FHOD3: variants seen among roughly 807,000 people sequenced by gnomAD.
The protein encoded by FHOD3 is formin homology 2 domain containing 3.
Under a neutral mutation model 173.0 loss-of-function variants are expected in FHOD3, and 90 were observed. The ratio of observed to expected loss-of-function variants is 0.52; its 90% confidence interval spans 0.44 to 0.62. The LOEUF (loss-of-function observed/expected upper bound fraction) is 0.62. FHOD3 is among the 20% of genes least tolerant of loss of function. The pLI is 0.00. For synonymous variants in FHOD3, 828 were observed against 823.0 expected (o/e 1.01, Z -0.10); for missense variants, 1,945 against 2,034.7 (o/e 0.96, Z 0.85).
intron 8 of FHOD3, among the ~76,000 whole-genome samples, chr18:36,611,597 C>A (rs932737187): frequency 6.6e-6 from 1 of 152,148 alleles, no homozygotes; most frequent in Non-Finnish European, 1.5e-5. Context: ...GAGAGTCACC[C>A]CTTCGATTAA....
At chr18:36,479,808 C>T (rs945016284) in intron 3 of FHOD3, among the ~76,000 whole-genome samples, 2 of 151,970 alleles carry the variant, frequency 1.3e-5, no homozygotes, top group African/African-American at 4.8e-5. Context: ...TCCGCTTTAC[C>T]CTCCATGCTA....
chr18:36,678,542 A>C lies in FHOD3; in HGVS notation c.1836-2894A>C, dbSNP rs540252526. Reference sequence around the variant, plus strand: ...CCTGTCTCAAAAAAAAAAAAAAAAAAAAAAAAGAAGAAAGAAAGAAAGAAA... The same window carrying C: ...CCTGTCTCAAAAAAAAAAAAAAAAACAAAAAAGAAGAAAGAAAGAAAGAAA... On this transcript the variant is annotated intron_variant, in intron 14 of 28. Transcript: ENST00000590592. Among the ~76,000 whole-genome samples, 74 of 148,070 alleles carry C rather than the reference A, an allele frequency of 5.0e-4. 4 individuals carry two copies. The South Asian group carries it at 0.015, about 30-fold the overall frequency.
intron 5 of FHOD3, among the ~76,000 whole-genome samples, chr18:36,550,461 T>C (rs1314603451): frequency 2.6e-5 from 4 of 151,876 alleles, no homozygotes; most frequent in African/African-American, 4.8e-5. Context: ...TGGTTTTTTT[T>C]CTGTAAATTT....
intron 23 of FHOD3, among the ~76,000 whole-genome samples, chr18:36,745,694 G>T (rs1420603293): frequency 6.6e-6 from 1 of 151,500 alleles, no homozygotes; most frequent in Non-Finnish European, 1.5e-5. Context: ...TCACCTCCAC[G>T]CATCTCCCGC....
rs141679158 is a variant in FHOD3 at position 36,697,942 on chromosome 18, A to T, written c.2236+4519A>T. On this transcript the variant is annotated intron_variant, in intron 17 of 28. Coordinates refer to ENST00000590592, the MANE Select transcript of FHOD3 (RefSeq NM_001281740.3). ...TTCTGAGTCTCCTTCAGGTGTAGGG[A>T]CTCTCTGAGGTTATCTAATCCACAC... Among the ~76,000 whole-genome samples the T allele has an allele frequency of 2.2e-4, 34 of 151,914 alleles. No homozygotes were observed. In the East Asian group the frequency reaches 5.4e-3, roughly 24 times the overall value.
chr18:36,557,052 T>C (rs1000175165), intron 5 of FHOD3, among the ~76,000 whole-genome samples: 3 of 152,204 alleles, frequency 2.0e-5, no homozygotes, highest in East Asian at 1.9e-4. Flanking sequence ...TTATATCTTT[T>C]TGTTTTGTTT....
rs760171223 is a variant in FHOD3 at position 36,740,722 on chromosome 18, C to G, written c.3643C>G (p.Pro1215Ala). The stretch of plus-strand genomic sequence containing the variant: ...AATCCAGGAAGCTCAGCTGGCCAAC[C>G]CTGAAATCCCCCTGGGCAGTGCAGA... ...QKIQEAQLANPEIPLGSAEQF... is the reference protein window; with the variant it reads ...QKIQEAQLANAEIPLGSAEQF... Residue 1215 changes from proline to alanine, a missense_variant, in exon 21 of 29, where the codon CCT becomes GCT. Coordinates refer to ENST00000590592, the MANE Select transcript of FHOD3 (RefSeq NM_001281740.3). 2 of 1,613,978 alleles carry G rather than the reference C, an allele frequency of 1.2e-6. No homozygotes were observed. Among genetic ancestry groups the G allele is most frequent in the Non-Finnish European group, 1.7e-6 (2 of 1,180,012 alleles).
At chr18:36,632,828 C>T (rs1326358380) in intron 10 of FHOD3, among the ~76,000 whole-genome samples, 1 of 152,136 alleles carries the variant, frequency 6.6e-6, no homozygotes, top group Non-Finnish European at 1.5e-5. Flanking sequence ...AAGAATTTGT[C>T]TGAGGGGCAA....
intron 6 of FHOD3, among the ~76,000 whole-genome samples, chr18:36,589,516 A>G (rs577904218): frequency 2.6e-5 from 4 of 152,290 alleles, no homozygotes; most frequent in African/African-American, 9.6e-5. Flanking sequence ...CTCATCTACA[A>G]TGCCGGAGCT....
chr18:36,607,599 A>G (rs2032220973), intron 8 of FHOD3, among the ~76,000 whole-genome samples: 1 of 152,140 alleles, frequency 6.6e-6, no homozygotes, highest in Admixed American at 6.5e-5. Flanking sequence ...TACTCTTTAC[A>G]TGGCCAAGCT....
At chr18:36,482,241 G>C (rs1266406808) in intron 3 of FHOD3, among the ~76,000 whole-genome samples, 1 of 152,170 alleles carries the variant, frequency 6.6e-6, no homozygotes, top group Non-Finnish European at 1.5e-5. Context: ...ACATTTCAGT[G>C]GGGGAGACAG....
intron 9 of FHOD3, among the ~76,000 whole-genome samples, chr18:36,623,464 G>A (rs533669954): frequency 6.6e-6 from 1 of 152,308 alleles, no homozygotes; most frequent in East Asian, 1.9e-4. Context: ...GTATGTGGTT[G>A]TTCTCAAACT....
At chr18:36,735,593 A>G (rs566479986) in intron 20 of FHOD3, among the ~76,000 whole-genome samples, 88 of 152,378 alleles carry the variant, frequency 5.8e-4, no homozygotes, top group Non-Finnish European at 1.1e-3. Context: ...AAGTGCCTCA[A>G]TGAATAATCA....
chr18:36,718,751 G>A, intron 19 of FHOD3, 36 bp downstream of exon 19: 3 of 1,592,310 alleles, frequency 1.9e-6, no homozygotes, highest in South Asian at 1.1e-5. Context: ...TTGATTGGAA[G>A]TTGGGTAGGG....
chr18:36,326,856 G>A (rs962362581), intron 1 of FHOD3, among the ~76,000 whole-genome samples: 1 of 152,154 alleles, frequency 6.6e-6, no homozygotes, highest in Non-Finnish European at 1.5e-5. Flanking sequence ...AAAGAACGTC[G>A]TTGGCTTAGG....
At chr18:36,483,444 C>A (rs139173412) in intron 3 of FHOD3, among the ~76,000 whole-genome samples, 3 of 152,330 alleles carry the variant, frequency 2.0e-5, no homozygotes, top group East Asian at 3.9e-4. Context: ...CCACTCTTTA[C>A]TCTTGCTAGC....
intron 20 of FHOD3, among the ~76,000 whole-genome samples, chr18:36,735,678 C>T (rs147679298): frequency 1.3e-5 from 2 of 152,040 alleles, no homozygotes; most frequent in African/African-American, 4.8e-5. Context: ...AAGTAACTAC[C>T]TGGATAGAAC....
chr18:36,392,593 C>A (rs540880722), intron 3 of FHOD3, among the ~76,000 whole-genome samples: 19 of 152,328 alleles, frequency 1.2e-4, no homozygotes, highest in African/African-American at 3.8e-4. Flanking sequence ...GATCCTCAAG[C>A]TGCTGTCACT....
intron 14 of FHOD3, among the ~76,000 whole-genome samples, chr18:36,668,616 A>T (rs1036344344): frequency 4.5e-4 from 69 of 152,058 alleles, no homozygotes; most frequent in African/African-American, 1.6e-3. Flanking sequence ...ATAGGCATTC[A>T]GTGTTACAAA....
Sources: allele counts gnomAD v4.1 joint callset (sites outside exome capture counted in the v4.1 genomes callset), GRCh38; gene constraint gnomAD v4.1.1; transcripts MANE v1.5; gene names NCBI Gene and HGNC (gene_info 2026-07-23, HGNC 2026-07-21).